Variants in EYS observed in about 807,000 individuals in gnomAD.
EYS encodes the protein protein eyes shut homolog.
In EYS, 250 loss-of-function variants were observed where a neutral mutation model predicts 282.1. The ratio of observed to expected loss-of-function variants is 0.89; its 90% CI spans 0.80 to 0.98. The LOEUF (loss-of-function observed/expected upper bound fraction) is 0.98. Ranked by LOEUF, EYS falls within the 50% of genes least tolerant of loss-of-function variation. EYS has a pLI of 0.00. For synonymous variants in EYS, 1,355 were observed against 1,282.9 expected, an observed-to-expected ratio of 1.06 and a Z score of -1.20; for missense variants, 4,016 against 3,709.0, an observed-to-expected ratio of 1.08 and a Z score of -2.15.
intron 2 of EYS, among the ~76,000 whole-genome samples, chr6:65,628,618 C>T (rs1490658432): frequency 6.6e-6 from 1 of 152,098 alleles, no homozygotes; most frequent in Non-Finnish European, 1.5e-5. Context: ...ACCAGGAGCC[C>T]ACCGGGAGGA....
chr6:65,332,344 C>G (rs1259596499), intron 11 of EYS: 8 of 774,920 alleles, frequency 1.0e-5, no homozygotes, highest in Non-Finnish European at 1.8e-5. Flanking sequence ...ACGATAAATC[C>G]CACCTGGTCA....
chr6:65,006,410 G>T (rs1309985898), intron 13 of EYS, among the ~76,000 whole-genome samples: 1 of 147,968 alleles, frequency 6.8e-6, no homozygotes, highest in African/African-American at 2.5e-5. Flanking sequence ...TCAGTCAGTC[G>T]GTAGGGACAA....
chr6:64,004,823 C>T (rs1768266934), intron 33 of EYS, among the ~76,000 whole-genome samples: 1 of 152,122 alleles, frequency 6.6e-6, no homozygotes, highest in South Asian at 2.1e-4. Flanking sequence ...TGTAGTATTC[C>T]ATGGTATCTA....
chr6:64,301,534 C>T (rs1769234725), intron 30 of EYS, among the ~76,000 whole-genome samples: 1 of 152,154 alleles, frequency 6.6e-6, no homozygotes, highest in Non-Finnish European at 1.5e-5. Context: ...AACACTTTCC[C>T]TATAATCAGT....
At chr6:65,556,505 G>A (rs1768808854) in intron 2 of EYS, among the ~76,000 whole-genome samples, 2 of 151,922 alleles carry the variant, frequency 1.3e-5, no homozygotes, top group African/African-American at 4.8e-5. Context: ...TAAAGTCCAT[G>A]TAAGAGAGAT....
At chr6:65,650,981 A>T (rs1767631510) in intron 1 of EYS, among the ~76,000 whole-genome samples, 1 of 152,170 alleles carries the variant, frequency 6.6e-6, no homozygotes, top group Admixed American at 6.6e-5. Flanking sequence ...CTGCAAGAAA[A>T]TGGGACTGAA....
chr6:65,334,315 G>A (rs1256009147), intron 11 of EYS, among the ~76,000 whole-genome samples: 1 of 151,582 alleles, frequency 6.6e-6, no homozygotes, highest in Non-Finnish European at 1.5e-5. Context: ...AGGCTGGAGT[G>A]CAGTGGCACA....
chr6:63,811,805 CTT>C (rs1190850278), intron 36 of EYS, among the ~76,000 whole-genome samples: 3 of 152,166 alleles, frequency 2.0e-5, no homozygotes, highest in Non-Finnish European at 4.4e-5. Context: ...CCTTCCCTCT[CTT>C]TGCTCAGAGC....
At chr6:64,634,117 G>A (rs981959241) in intron 22 of EYS, among the ~76,000 whole-genome samples, 1 of 152,154 alleles carries the variant, frequency 6.6e-6, no homozygotes, top group African/African-American at 2.4e-5. Context: ...CCAAGTAGCT[G>A]GGACTACAGG....
intron 2 of EYS, among the ~76,000 whole-genome samples, chr6:65,501,732 G>A (rs923425322): frequency 6.6e-6 from 1 of 151,598 alleles, no homozygotes; most frequent in Non-Finnish European, 1.5e-5. Flanking sequence ...TTATAAAAAA[G>A]TATAGAGATT....
At chr6:64,276,821 T>G (rs1297662927) in intron 30 of EYS, among the ~76,000 whole-genome samples, 1 of 152,178 alleles carries the variant, frequency 6.6e-6, no homozygotes, top group Non-Finnish European at 1.5e-5. Flanking sequence ...AGACATGGCC[T>G]CATTAGTCTA....
At chr6:63,973,431 A>C (rs542261702) in intron 35 of EYS, among the ~76,000 whole-genome samples, 1 of 152,280 alleles carries the variant, frequency 6.6e-6, no homozygotes, top group South Asian at 2.1e-4. Context: ...TGATGAAACA[A>C]ATGCTTGATT....
intron 31 of EYS, among the ~76,000 whole-genome samples, chr6:64,130,388 C>A (rs1259823324): frequency 6.6e-6 from 1 of 152,094 alleles, no homozygotes; most frequent in Non-Finnish European, 1.5e-5. Context: ...GGACAAAAAA[C>A]CAAATGCCGC....
chr6:64,238,954 C>G (rs1266744169), intron 30 of EYS, among the ~76,000 whole-genome samples: 1 of 152,098 alleles, frequency 6.6e-6, no homozygotes, highest in Non-Finnish European at 1.5e-5. Context: ...TCCCTGTGTC[C>G]ATGTGTTCTC....
intron 12 of EYS, among the ~76,000 whole-genome samples, chr6:65,147,132 T>C (rs916337840): frequency 2.6e-5 from 4 of 152,036 alleles, no homozygotes; most frequent in African/African-American, 9.7e-5. Flanking sequence ...TAATTTCTAC[T>C]TTTATTAGAT....
At chr6:64,837,518 TG>T (rs1765419340) in intron 19 of EYS, among the ~76,000 whole-genome samples, 1 of 149,998 alleles carries the variant, frequency 6.7e-6, no homozygotes, top group Non-Finnish European at 1.5e-5. Context: ...AACATCAAAA[TG>T]AAAAAAGAGT....
At chr6:63,865,775 A>G (rs1220494247) in intron 35 of EYS, among the ~76,000 whole-genome samples, 1 of 152,192 alleles carries the variant, frequency 6.6e-6, no homozygotes, top group Non-Finnish European at 1.5e-5. Context: ...CATCATAATG[A>G]GACCTGACTT....
chr6:65,238,996 A>G (rs1766993075), intron 12 of EYS, among the ~76,000 whole-genome samples: 1 of 152,070 alleles, frequency 6.6e-6, no homozygotes, highest in Admixed American at 6.6e-5. Flanking sequence ...TCTTCTCATT[A>G]TAGTTCAAAA....
chr6:64,381,526 G>C (rs565480531), intron 29 of EYS, among the ~76,000 whole-genome samples: 1 of 152,114 alleles, frequency 6.6e-6, no homozygotes, highest in African/African-American at 2.4e-5. Context: ...ATGTGTACAG[G>C]TGAGAATCAC....
Sources: allele counts gnomAD v4.1 joint callset (sites outside exome capture counted in the v4.1 genomes callset), GRCh38; gene constraint gnomAD v4.1.1; transcripts MANE v1.5; gene names NCBI Gene and HGNC (gene_info 2026-07-23, HGNC 2026-07-21).